ABLIM2: variants seen among roughly 807,000 people sequenced by gnomAD.
ABLIM2 encodes the protein actin-binding LIM protein 2.
ABLIM2 carries 53 observed loss-of-function variants against 97.7 expected under a neutral mutation model. The observed-to-expected ratio is 0.54, with a 90% confidence interval of 0.44 to 0.68. The LOEUF is 0.68. Among genes scored for constraint, ABLIM2 ranks in the 30% least tolerant of loss-of-function variants. The probability of loss-of-function intolerance (pLI) is 0.00; values close to 1 mark genes in which losing one functional copy is unlikely to be tolerated. For synonymous variants in ABLIM2, 361 were observed against 345.8 expected, an observed-to-expected ratio of 1.04 and a Z score of -0.49; for missense variants, 835 against 867.2, an observed-to-expected ratio of 0.96 and a Z score of 0.47.
At position 8,125,646 on chromosome 4, in the gene ABLIM2, C is replaced by T. The variant is rs73218479; in HGVS notation, c.11-19009G>A. 0.035 allele frequency among the ~76,000 whole-genome samples: 5,271 copies of T among 152,268 alleles called. 136 individuals carry two copies. The highest frequency in any genetic ancestry group is 0.13 in the Middle Eastern group (37 of 294). On this transcript the variant is annotated intron_variant, in intron 1 of 20. Transcript: ENST00000447017. This position sits in a 1 kb window ranked among gnomAD's most constrained non-coding sequence, Gnocchi z 6.2. ...GTGGTTGGCTCTGCCATCAGTGTGACGGTCCGTCCAGCACAGTTGTCCACA... is the reference window on the plus strand; with the variant it reads ...GTGGTTGGCTCTGCCATCAGTGTGATGGTCCGTCCAGCACAGTTGTCCACA...
chr4:8,017,295 ATTAT>A (rs1303037416), intron 14 of ABLIM2, among the ~76,000 whole-genome samples: 2 of 148,164 alleles, frequency 1.3e-5, no homozygotes, highest in Non-Finnish European at 3.0e-5. Context: ...TATTATTATT[ATTAT>A]TATTTTTTTT....
rs28608508 is a variant in ABLIM2 at position 7,977,369 on chromosome 4, C to A, written c.1824+5895G>T. Among the ~76,000 whole-genome samples, 219 of 152,204 alleles carry A rather than the reference C, an allele frequency of 1.4e-3. 2 individuals carry two copies. Among genetic ancestry groups the A allele is most frequent in the African/African-American group, 5.1e-3 (211 of 41,512 alleles). ...AAAAATGGATGAATACACACACATA[C>A]CCACATGTATATGCACATATCACAC... On this transcript the variant is annotated intron_variant, in intron 20 of 20. Transcript: ENST00000447017.
chr4:8,088,186 A>C lies in ABLIM2; in HGVS notation c.437T>G (p.Leu146Arg), dbSNP rs1277645048. The C allele has an allele frequency of 6.4e-7, 1 of 1,566,356 alleles. No homozygotes were observed. Among genetic ancestry groups the C allele is most frequent in the Non-Finnish European group, 8.7e-7 (1 of 1,153,848 alleles). ...LPVSVGSSAH[L>R]SQGLRSCGGC... ...CCACTTACTTCGGAGGCCCTGGGAC[A>C]GGTGCGCGCTGCTGCCCACCGATAC... The change falls in exon 4 of 21, where the codon CTG becomes CGG. Residue 146 changes from leucine to arginine, a missense_variant. Transcript: ENST00000447017.
At position 7,996,162 on chromosome 4, in the gene ABLIM2, A is replaced by G. The variant is rs147024626; in HGVS notation, c.1619-3235T>C. On this transcript the variant is annotated intron_variant, in intron 16 of 20. Transcript: ENST00000447017. This position sits in a 1 kb window ranked among gnomAD's most constrained non-coding sequence, Gnocchi z 4.5. The stretch of plus-strand genomic sequence containing the variant: ...CTGGCATCCCCAGCTAGCAGCCCCA[A>G]CCTTGCCAGGGAACTCGTCAGAAAT... Among the ~76,000 whole-genome samples, 2 of 152,136 alleles carry G rather than the reference A, an allele frequency of 1.3e-5. No individual in the cohort carries two copies. Among genetic ancestry groups the G allele is most frequent in the African/African-American group, 2.4e-5 (1 of 41,426 alleles).
At chr4:8,077,877 G>A (rs922974009) in intron 5 of ABLIM2, among the ~76,000 whole-genome samples, 156 bp from the exon 6 acceptor site, 3 of 152,250 alleles carry the variant, frequency 2.0e-5, no homozygotes, top group African/African-American at 7.2e-5. Flanking sequence ...GTGTCATTGG[G>A]CTCTCACAGA....
At position 8,083,554 on chromosome 4, in the gene ABLIM2, C is replaced by T. The variant is rs570854031; in HGVS notation, c.455-2752G>A. On this transcript the variant is annotated intron_variant, in intron 4 of 20. Transcript: ENST00000447017. This position sits in a 1 kb window ranked among gnomAD's most constrained non-coding sequence, Gnocchi z 4.6. ...GATGTGAACCTCACACCTGCCTCGG[C>T]CCCCTCATTCTCCTATCAGCAGTAC... 4.6e-5 allele frequency among the ~76,000 whole-genome samples: 7 copies of T among 152,212 alleles called. No individual in the cohort carries two copies. The highest frequency in any genetic ancestry group is 8.8e-5 in the Non-Finnish European group (6 of 68,040).
Position 8,080,756 on chromosome 4 carries a change from T to C in ABLIM2, c.501A>G (p.Val167=), listed in dbSNP as rs376060349. 4 of 1,612,200 alleles carry C rather than the reference T, an allele frequency of 2.5e-6. No homozygotes were observed. The highest frequency in any genetic ancestry group is 1.3e-5 in the African/African-American group (1 of 75,032). Residue 167 remains valine (V), a synonymous_variant, in exon 5 of 21, where the codon GTA becomes GTG. Coordinates refer to ENST00000447017, the MANE Select transcript of ABLIM2 (RefSeq NM_001130083.2). ...CCAAGTGCCAGTGCTTGTCCAAGGCTACCAGGGCCTGGCCATTCTTGATTT... is the reference window on the plus strand; with the variant it reads ...CCAAGTGCCAGTGCTTGTCCAAGGCCACCAGGGCCTGGCCATTCTTGATTT... The part of the protein sequence containing the change: ...GTEIKNGQAL[V]ALDKHWHLGC...
At chr4:8,103,597 C>T (rs1177005267) in intron 2 of ABLIM2, among the ~76,000 whole-genome samples, 1 of 152,214 alleles carries the variant, frequency 6.6e-6, no homozygotes, top group Non-Finnish European at 1.5e-5. Context: ...AGTCCATGGT[C>T]ACTAATCATC....
chr4:8,047,172 C>T (rs564015010), intron 8 of ABLIM2, among the ~76,000 whole-genome samples: 6 of 152,304 alleles, frequency 3.9e-5, no homozygotes, highest in East Asian at 1.9e-4. Flanking sequence ...ATGTGGGTGG[C>T]GCCTGGGCAA....
chr4:8,017,534 C>T (rs376626232), intron 14 of ABLIM2, among the ~76,000 whole-genome samples: 230 of 152,086 alleles, frequency 1.5e-3, no homozygotes, highest in South Asian at 5.6e-3. Context: ...GCAATCGGCC[C>T]GCCTGTGCTT....
At chr4:8,098,592 C>G (rs1010309363) in intron 2 of ABLIM2, among the ~76,000 whole-genome samples, 2 of 152,198 alleles carry the variant, frequency 1.3e-5, no homozygotes, top group African/African-American at 4.8e-5. Flanking sequence ...GATGTTAGCT[C>G]TTCTGATATG....
rs1049365233 is a variant in ABLIM2, at chr4:8,029,672, C to T, written c.1152G>A (p.Gln384=). The change falls in exon 11 of 21, where the codon CAG becomes CAA. Residue 384 remains glutamine (Q), a synonymous_variant. Transcript: ENST00000447017. The part of the protein sequence containing the change: ...GRYTPTSRSP[Q]HYSRPAGTVS... ...GCCAAGTACCTGGACGGCTGTAGTG[C>T]TGTGGTGACCGTGAGGTCGGAGTGT... is the stretch of plus-strand genomic sequence containing the variant. The T allele has an allele frequency of 6.5e-7, 1 of 1,546,944 alleles. No individual in the cohort carries two copies. Among genetic ancestry groups the T allele is most frequent in the Admixed American group, 2.0e-5 (1 of 50,826 alleles).
intron 18 of ABLIM2, among the ~76,000 whole-genome samples, chr4:7,984,403 C>T (rs1741654766): frequency 1.3e-5 from 2 of 152,232 alleles, no homozygotes; most frequent in Admixed American, 1.3e-4. Context: ...GCCACACGAC[C>T]AGGTGGCCGC....
chr4:8,125,426 C>G lies in ABLIM2; in HGVS notation c.11-18789G>C, dbSNP rs1847425071. Among the ~76,000 whole-genome samples, 1 of 152,178 alleles carries G rather than the reference C, an allele frequency of 6.6e-6. No individual in the cohort carries two copies. The highest frequency in any genetic ancestry group is 2.1e-4 in the South Asian group (1 of 4,828). ...GACTGCTAGTTTTAATTGTGGATACCCTTGCTTCGCATGTGAATCGCGATC... is the reference window on the plus strand; with the variant it reads ...GACTGCTAGTTTTAATTGTGGATACGCTTGCTTCGCATGTGAATCGCGATC... On this transcript the variant is annotated intron_variant, in intron 1 of 20. Coordinates refer to ENST00000447017, the MANE Select transcript of ABLIM2 (RefSeq NM_001130083.2). This position sits in a 1 kb window ranked among gnomAD's most constrained non-coding sequence, Gnocchi z 6.2.
In ABLIM2 at chr4:8,083,832, A is replaced by G. The variant is rs1821485511; in HGVS notation, c.455-3030T>C. Among the ~76,000 whole-genome samples, 1 of 152,134 alleles carries G rather than the reference A, an allele frequency of 6.6e-6. No homozygotes were observed. The highest frequency in any genetic ancestry group is 2.1e-4 in the South Asian group (1 of 4,832). ...CTGGTTGGCACTGCCATCAGCAGCA[A>G]TGGCATAACCCTCCTAGAACCTTCC... On this transcript the variant is annotated intron_variant, in intron 4 of 20. Coordinates refer to ENST00000447017, the MANE Select transcript of ABLIM2 (RefSeq NM_001130083.2). The surrounding 1 kb of genome is among the most constrained non-coding windows in gnomAD (Gnocchi z 4.6).
chr4:8,141,735 T>A (rs141342033), intron 1 of ABLIM2, among the ~76,000 whole-genome samples: 2 of 152,164 alleles, frequency 1.3e-5, no homozygotes, highest in Non-Finnish European at 2.9e-5. Flanking sequence ...TGCAGATCTA[T>A]CCACAGGAGA....
chr4:8,090,123 T>G (rs13136604), intron 3 of ABLIM2, among the ~76,000 whole-genome samples: 136 of 152,090 alleles, frequency 8.9e-4, no homozygotes, highest in African/African-American at 2.9e-3. Flanking sequence ...GGCCCTCCCC[T>G]CCCATCCACT....
intron 2 of ABLIM2, among the ~76,000 whole-genome samples, chr4:8,097,490 G>A (rs1832276739): frequency 6.6e-6 from 1 of 152,204 alleles, no homozygotes; most frequent in African/African-American, 2.4e-5. Context: ...GGTGGTGAGT[G>A]GACTTTCCTT....
chr4:8,157,704 G>T (rs1323584906), intron 1 of ABLIM2, among the ~76,000 whole-genome samples: 1 of 152,246 alleles, frequency 6.6e-6, no homozygotes, highest in Non-Finnish European at 1.5e-5. Context: ...CATGGCCAAG[G>T]GCCATACTGC....
Sources: allele counts gnomAD v4.1 joint callset (sites outside exome capture counted in the v4.1 genomes callset), GRCh38; gene constraint gnomAD v4.1.1; non-coding constraint Gnocchi (gnomAD v3.1); transcripts MANE v1.5; gene names NCBI Gene and HGNC (gene_info 2026-07-23, HGNC 2026-07-21).